Variants in LRRC73 observed in about 807,000 individuals in gnomAD.
LRRC73 encodes leucine-rich repeat-containing protein 73.
In LRRC73, 16 loss-of-function variants were observed where a neutral mutation model predicts 26.4. The observed-to-expected ratio is 0.61, with a 90% CI of 0.41 to 0.92. LRRC73 has a LOEUF of 0.92. Among genes scored for constraint, LRRC73 ranks in the 40% least tolerant of loss-of-function variants. The probability of loss-of-function intolerance (pLI) is 0.00; values close to 1 mark genes in which losing one functional copy is unlikely to be tolerated. For missense variants in LRRC73, 344 were observed against 416.3 expected, an observed-to-expected ratio of 0.83 and a Z score of 1.51; for synonymous variants, 210 against 179.8, an observed-to-expected ratio of 1.17 and a Z score of -1.34.
At chr6:43,508,733 C>T (rs1267026206) in intron 2 of LRRC73, 27 bp downstream of exon 2, 10 of 1,577,942 alleles carry the variant, frequency 6.3e-6, no homozygotes, top group Non-Finnish European at 8.6e-6. Flanking sequence ...CCACACTAGC[C>T]CAAGCCCTCA....
exon 1 of LRRC73, chr6:43,509,516 G>A (rs932324660): frequency 6.2e-7 from 1 of 1,604,166 alleles, no homozygotes; most frequent in African/African-American, 1.3e-5. Context: ...GCACTCACAA[G>A]AGGGACTGGA....
exon 6 of LRRC73, chr6:43,507,266 T>C: frequency 6.2e-7 from 1 of 1,613,838 alleles, no homozygotes; most frequent in East Asian, 2.2e-5. Context: ...CAACAGACTG[T>C]CCCCTAGTCC....
chr6:43,509,448 G>A, intron 1 of LRRC73, 66 bp downstream of exon 1: 2 of 1,521,276 alleles, frequency 1.3e-6, no homozygotes, highest in South Asian at 2.5e-5. Context: ...GGAGGAACAG[G>A]AGGTGCCAGG....
exon 5 of LRRC73, chr6:43,507,634 G>T: frequency 6.2e-7 from 1 of 1,614,098 alleles, no homozygotes; most frequent in Non-Finnish European, 8.5e-7. Context: ...CCAACACCAG[G>T]CTCCGCAAAG....
exon 1 of LRRC73, chr6:43,510,160 G>C: frequency 5.7e-6 from 1 of 176,108 alleles, no homozygotes; most frequent in Non-Finnish European, 1.2e-5. Flanking sequence ...CGGTCGCGGC[G>C]GCGGCGGCGG....
At chr6:43,507,622 A>G (rs770200496) in exon 5 of LRRC73, 5 of 1,614,114 alleles carry the variant, frequency 3.1e-6, no homozygotes, top group Admixed American at 3.3e-5. Flanking sequence ...TGCTGTTCTC[A>G]GCCAACACCA....
At chr6:43,509,413 G>A (rs1792598958) in intron 1 of LRRC73, 101 bp downstream of exon 1, 2 of 1,375,384 alleles carry the variant, frequency 1.5e-6, no homozygotes, top group Non-Finnish European at 1.9e-6. Flanking sequence ...GGCATGTGAA[G>A]GTAGGATGGT....
exon 6 of LRRC73, chr6:43,507,142 A>C (rs1391480576): frequency 6.7e-6 from 9 of 1,335,786 alleles, no homozygotes; most frequent in Non-Finnish European, 8.4e-6. Flanking sequence ...CCCTGACCCC[A>C]GTTCCCTCCC....
exon 1 of LRRC73, chr6:43,510,025 G>T (rs1792616515): frequency 3.3e-6 from 1 of 305,744 alleles, no homozygotes; most frequent in Non-Finnish European, 5.9e-6. Context: ...TCCAGGGCGC[G>T]GGCCGGGCTG....
rs571672647 is a variant in LRRC73 at position 43,507,945 on chromosome 6, T to C, written c.557-19A>G. ...TGGTCACCTGGGGAGACAACACACG[T>C]GCACACATTCATACACATGCCTGCT... is the stretch of plus-strand genomic sequence containing the variant. On this transcript the variant is annotated intron_variant, in intron 3 of 5. Coordinates refer to ENST00000372441, the Ensembl canonical transcript of LRRC73. 9 of 1,605,226 alleles carry C rather than the reference T, an allele frequency of 5.6e-6. No individual in the cohort carries two copies. In the African/African-American group the frequency reaches 1.2e-4, roughly 21 times the overall value.
exon 1 of LRRC73, chr6:43,510,077 T>G: frequency 4.3e-6 from 1 of 232,640 alleles, no homozygotes; most frequent in East Asian, 9.5e-5. Context: ...GCACGGTCCG[T>G]GTCTGGGCGT....
At chr6:43,508,509 C>T (rs1582167347) in intron 2 of LRRC73, 89 bp from the exon 3 acceptor site, 2 of 1,582,978 alleles carry the variant, frequency 1.3e-6, no homozygotes, top group East Asian at 2.3e-5. Context: ...CTGGGGTGTC[C>T]CTAGTGGCTG....
At chr6:43,508,025 G>A in intron 3 of LRRC73, 99 bp from the exon 4 acceptor site, 1 of 1,135,800 alleles carries the variant, frequency 8.8e-7, no homozygotes, top group South Asian at 1.5e-5. Flanking sequence ...CTAATCCCTG[G>A]CCAAGGAAAC....
Position 43,507,693 on chromosome 6 carries a change from A to C in LRRC73, c.658-15T>G. 6.2e-7 allele frequency: 1 copy of C among 1,612,748 alleles called. No homozygotes were observed. The highest frequency in any genetic ancestry group is 1.1e-5 in the South Asian group (1 of 91,050). On this transcript the variant is annotated splice_polypyrimidine_tract_variant and intron_variant, in intron 4 of 5. Coordinates refer to ENST00000372441, the Ensembl canonical transcript of LRRC73. Reference sequence around the variant, plus strand: ...TCCAGCAGGGTCTGAAGTGGGGAAGAATATGGAAAAGGATGAACACAGTTA... The same window carrying C: ...TCCAGCAGGGTCTGAAGTGGGGAAGCATATGGAAAAGGATGAACACAGTTA...
chr6:43,507,667 G>A (rs753651648), exon 5 of LRRC73: 12 of 1,613,970 alleles, frequency 7.4e-6, no homozygotes, highest in African/African-American at 1.3e-5. Context: ...TTTCTACCAT[G>A]TCCAGCAGGG....
rs368524395 is a variant in LRRC73, at chr6:43,507,944, G to A, written c.557-18C>T. 1.9e-4 allele frequency: 303 copies of A among 1,604,686 alleles called. No homozygotes were observed. Among genetic ancestry groups the A allele is most frequent in the Non-Finnish European group, 2.3e-4 (272 of 1,172,316 alleles). On this transcript the variant is annotated intron_variant, in intron 3 of 5. Coordinates refer to ENST00000372441, the Ensembl canonical transcript of LRRC73. ...ATGGTCACCTGGGGAGACAACACAC[G>A]TGCACACATTCATACACATGCCTGC...
chr6:43,509,146 G>A (rs146388350), intron 1 of LRRC73, among the ~76,000 whole-genome samples: 1 of 146,678 alleles, frequency 6.8e-6, no homozygotes, highest in Non-Finnish European at 1.5e-5. Flanking sequence ...GGGAGGGGCA[G>A]AGAAGGGGTG....
intron 2 of LRRC73, 88 bp from the exon 3 acceptor site, chr6:43,508,508 C>A: frequency 6.3e-7 from 1 of 1,584,080 alleles, no homozygotes; most frequent in Non-Finnish European, 8.6e-7. Context: ...TCTGGGGTGT[C>A]CCTAGTGGCT....
chr6:43,507,521 T>A (rs1255602589), exon 5 of LRRC73: 1 of 1,613,454 alleles, frequency 6.2e-7, no homozygotes, highest in South Asian at 1.1e-5. Context: ...TCTCTCCCAT[T>A]CCTGGGTGTC....
Sources: gnomAD v4.1 joint callset for allele counts (sites outside exome capture counted in the v4.1 genomes callset) on GRCh38, gnomAD v4.1.1 for gene constraint, MANE v1.5 for transcripts, NCBI Gene and HGNC (gene_info 2026-07-23, HGNC 2026-07-21) for gene names.